RAD23B: variants seen among roughly 807,000 people sequenced by gnomAD.
The protein encoded by RAD23B is lysine-specific demethylase RAD23B.
Under a neutral mutation model 49.1 loss-of-function variants are expected in RAD23B, and 5 were observed. The ratio of observed to expected loss-of-function variants is 0.10; its 90% CI spans 0.05 to 0.21. The LOEUF (loss-of-function observed/expected upper bound fraction) is 0.21, where lower values mean the gene tolerates loss of function less well. Ranked by LOEUF, RAD23B falls within the 10% of genes least tolerant of loss-of-function variation. RAD23B has a pLI of 1.00. For synonymous variants in RAD23B, 184 were observed against 165.4 expected, an observed-to-expected ratio of 1.11 and a Z score of -0.86; for missense variants, 356 against 486.7, an observed-to-expected ratio of 0.73 and a Z score of 2.53.
chr9:107,308,827 T>C (rs1204751940), intron 4 of RAD23B, among the ~76,000 whole-genome samples: 1 of 152,234 alleles, frequency 6.6e-6, no homozygotes, highest in Non-Finnish European at 1.5e-5. Flanking sequence ...AAATATCTAG[T>C]GTCTTGTGAA....
At chr9:107,319,425 T>C (rs11573695) in intron 6 of RAD23B, among the ~76,000 whole-genome samples, 17,322 of 152,146 alleles carry the variant, frequency 0.11, 1,234 homozygotes, top group African/African-American at 0.2. Flanking sequence ...CCACCGTGCC[T>C]GGCCAAAATT....
chr9:107,287,366 T>C (rs551207599), intron 1 of RAD23B, among the ~76,000 whole-genome samples: 2 of 152,304 alleles, frequency 1.3e-5, no homozygotes, highest in African/African-American at 4.8e-5. Context: ...CAAAACTCAG[T>C]AAATTTGAGA....
intron 1 of RAD23B, among the ~76,000 whole-genome samples, chr9:107,298,728 A>G (rs1826585707): frequency 6.6e-6 from 1 of 151,674 alleles, no homozygotes; most frequent in Non-Finnish European, 1.5e-5. Flanking sequence ...TATAATAAAT[A>G]TTATACTTAC....
intron 5 of RAD23B, among the ~76,000 whole-genome samples, chr9:107,313,430 C>T (rs1438797908): frequency 2.0e-5 from 3 of 152,056 alleles, no homozygotes; most frequent in Non-Finnish European, 4.4e-5. Flanking sequence ...TTTCACCCTG[C>T]TAGCCAGGAT....
rs1243206192 is a variant in RAD23B at position 107,289,263 on chromosome 9, C to CA, written c.66+5569dup. 2.0e-5 allele frequency among the ~76,000 whole-genome samples: 3 copies of CA among 152,120 alleles called. No individual in the cohort carries two copies. The East Asian group carries it at 5.8e-4, about 30-fold the overall frequency. ...ACAGTGGCATGATCATAGCTCACTG[C>CA]AGCCCCAAACTCCTGGGCTCAAGTG... On this transcript the variant is annotated intron_variant, in intron 1 of 9. Transcript: ENST00000358015.
In RAD23B at chr9:107,331,541, G is replaced by A. The variant is rs1587868873; in HGVS notation, c.*1885G>A. The A allele has an allele frequency of 1.6e-5, 10 of 620,276 alleles. No individual in the cohort carries two copies. In the East Asian group the frequency reaches 2.4e-4, roughly 15 times the overall value. The allele number at this position is 620,276 out of a possible 1,614,324, so 38.4% of individuals were successfully genotyped here. On this transcript the variant is annotated 3_prime_UTR_variant, in exon 10 of 10. Transcript: ENST00000358015. ...ATGGATCATGCATAATTTCTCAGGA[G>A]AATAAAATGAGAATTCATATATACG...
chr9:107,290,589 G>T (rs558822215), intron 1 of RAD23B, among the ~76,000 whole-genome samples: 1 of 152,214 alleles, frequency 6.6e-6, no homozygotes, highest in Non-Finnish European at 1.5e-5. Flanking sequence ...TTTTAAAAAA[G>T]TCTTTCTCCT....
chr9:107,291,039 A>G (rs1276277509), intron 1 of RAD23B, among the ~76,000 whole-genome samples: 5 of 152,248 alleles, frequency 3.3e-5, no homozygotes, highest in African/African-American at 1.2e-4. Flanking sequence ...TTACAACTGA[A>G]TGAGCTTTAT....
intron 1 of RAD23B, chr9:107,284,074 C>A: frequency 9.9e-7 from 1 of 1,012,136 alleles, no homozygotes; most frequent in Non-Finnish European, 1.2e-6. Context: ...GAGACGTAGG[C>A]GTCGCCACTA....
rs748261610 is a variant in RAD23B, at chr9:107,324,933, A to G, written c.1045A>G (p.Ile349Val). ...GGGGGGGSGG[I>V]AEAGSGHMNY... is the part of the protein sequence containing the mutation. ...AGGAGGTGGAGGTGGCAGTGGAGGA[A>G]TTGCAGAAGCTGGAAGTGGTCATAT... Residue 349 changes from isoleucine (I) to valine (V), a missense_variant, in exon 9 of 10, where the codon ATT becomes GTT. This residue lies in a region of RAD23B where 148 missense variants were observed against 231.7 expected (regional missense o/e 0.64). Transcript: ENST00000358015. 2.5e-6 allele frequency: 4 copies of G among 1,613,770 alleles called. No homozygotes were observed. Among genetic ancestry groups the G allele is most frequent in the Non-Finnish European group, 3.4e-6 (4 of 1,179,968 alleles).
intron 5 of RAD23B, among the ~76,000 whole-genome samples, chr9:107,312,157 C>G (rs2133085409): frequency 6.6e-6 from 1 of 152,320 alleles, no homozygotes. Flanking sequence ...CATCTTGTTG[C>G]TTGCATTGGC....
intron 1 of RAD23B, among the ~76,000 whole-genome samples, chr9:107,294,305 A>G (rs934454165): frequency 1.6e-4 from 25 of 152,328 alleles, no homozygotes; most frequent in East Asian, 5.8e-4. Flanking sequence ...AATGTTAACC[A>G]TGTCTTTGTC....
chr9:107,324,079 T>A, intron 8 of RAD23B, 62 bp downstream of exon 8: 2 of 1,538,550 alleles, frequency 1.3e-6, no homozygotes, highest in Non-Finnish European at 1.8e-6. Context: ...AAAAAGTCCA[T>A]GAACGGTCCT....
intron 5 of RAD23B, among the ~76,000 whole-genome samples, chr9:107,317,919 C>T (rs1361893831): frequency 1.3e-5 from 2 of 152,020 alleles, no homozygotes; most frequent in Admixed American, 1.3e-4. Context: ...CTCTTTCCCC[C>T]GTTTCAGTTA....
At chr9:107,305,941 C>G (rs984580167) in intron 3 of RAD23B, among the ~76,000 whole-genome samples, 2 of 150,796 alleles carry the variant, frequency 1.3e-5, no homozygotes, top group Non-Finnish European at 2.9e-5. Context: ...AAGACCCTGT[C>G]TTTAAAATTA....
intron 4 of RAD23B, among the ~76,000 whole-genome samples, chr9:107,309,340 G>T (rs2133082748): frequency 6.6e-6 from 1 of 152,328 alleles, no homozygotes; most frequent in East Asian, 1.9e-4. Context: ...TAATGTATAA[G>T]CATGTTAAAT....
chr9:107,300,831 A>G (rs1017436995), intron 2 of RAD23B, among the ~76,000 whole-genome samples: 14 of 152,190 alleles, frequency 9.2e-5, no homozygotes, highest in Non-Finnish European at 1.5e-4. Context: ...GATGTTAGTA[A>G]GGTGGGTGTT....
Position 107,294,729 on chromosome 9 carries a change from T to G in RAD23B, c.67-5412T>G, listed in dbSNP as rs77575262. Reference sequence around the variant, plus strand: ...TCCCGTGAAGGTGTTCAGTAGAGAGTTAAGTGTGCATAAATGAAGGTCAGG... The same window carrying G: ...TCCCGTGAAGGTGTTCAGTAGAGAGGTAAGTGTGCATAAATGAAGGTCAGG... On this transcript the variant is annotated intron_variant, in intron 1 of 9. Coordinates refer to ENST00000358015, the MANE Select transcript of RAD23B (RefSeq NM_002874.5). Among the ~76,000 whole-genome samples, 629 of 152,080 alleles carry G rather than the reference T, an allele frequency of 4.1e-3. 7 individuals carry two copies. Among genetic ancestry groups the G allele is most frequent in the African/African-American group, 0.015 (609 of 41,468 alleles).
At position 107,283,652 on chromosome 9, in the gene RAD23B, T is replaced by G; in HGVS notation, c.23T>G (p.Leu8Arg). The G allele has an allele frequency of 6.7e-7, 1 of 1,486,178 alleles. No individual in the cohort carries two copies. Among genetic ancestry groups the G allele is most frequent in the Non-Finnish European group, 9.0e-7 (1 of 1,116,348 alleles). 92.1% of individuals were successfully genotyped at this position (1,486,178 alleles called of 1,614,324 possible). Reference sequence around the variant, plus strand: ...ACCATGCAGGTCACCCTGAAGACCCTCCAGCAGCAGACCTTCAAGATAGAC... The same window carrying G: ...ACCATGCAGGTCACCCTGAAGACCCGCCAGCAGCAGACCTTCAAGATAGAC... MQVTLKT[L>R]QQQTFKIDID... The change falls in exon 1 of 10, where the codon CTC becomes CGC. Residue 8 changes from leucine to arginine, a missense_variant. Coordinates refer to ENST00000358015, the MANE Select transcript of RAD23B (RefSeq NM_002874.5).
Sources: gnomAD v4.1 joint callset for allele counts (sites outside exome capture counted in the v4.1 genomes callset) on GRCh38, gnomAD v4.1.1 for gene constraint, gnomAD v4.1.1 regional missense constraint, MANE v1.5 for transcripts, NCBI Gene and HGNC (gene_info 2026-07-23, HGNC 2026-07-21) for gene names.